The following DAPK2 variants were observed in gnomAD, a reference collection of about 807,000 sequenced individuals.
DAPK2 encodes death-associated protein kinase 2.
In DAPK2, 35 loss-of-function variants were observed where a neutral mutation model predicts 44.1. That is an observed-to-expected ratio of 0.79 (90% CI 0.61 to 1.05). The LOEUF is 1.05. Among genes scored for constraint, DAPK2 ranks in the 50% least tolerant of loss-of-function variants. DAPK2 has a pLI of 0.00. For missense variants in DAPK2, 453 were observed against 483.2 expected, an observed-to-expected ratio of 0.94 and a Z score of 0.59; for synonymous variants, 174 against 182.6, an observed-to-expected ratio of 0.95 and a Z score of 0.38.
chr15:63,988,796 G>A (rs929805747), intron 1 of DAPK2, among the ~76,000 whole-genome samples: 5 of 151,726 alleles, frequency 3.3e-5, no homozygotes, highest in Non-Finnish European at 7.4e-5. Context: ...ATGAGCCACC[G>A]CGCCCGGCCA....
chr15:64,011,646 G>A (rs146492079), intron 1 of DAPK2, among the ~76,000 whole-genome samples: 38 of 152,310 alleles, frequency 2.5e-4, no homozygotes, highest in African/African-American at 3.4e-4. Flanking sequence ...TGCTAGCCAC[G>A]TGTGGCTACT....
intron 1 of DAPK2, among the ~76,000 whole-genome samples, chr15:64,000,035 A>T (rs1234329413): frequency 6.6e-6 from 1 of 152,108 alleles, no homozygotes; most frequent in East Asian, 1.9e-4. Flanking sequence ...AGGTACTAGC[A>T]TTACAGGCAT....
chr15:63,934,575 T>G (rs1287515390), intron 4 of DAPK2, among the ~76,000 whole-genome samples: 1 of 151,938 alleles, frequency 6.6e-6, no homozygotes, highest in Non-Finnish European at 1.5e-5. Context: ...TGTTTTGTGT[T>G]TTGAGACAGA....
intron 4 of DAPK2, among the ~76,000 whole-genome samples, chr15:63,938,043 TC>T (rs5813265): frequency 0.025 from 3,814 of 152,108 alleles, 82 homozygotes; most frequent in South Asian, 0.11. Flanking sequence ...TTAACTAAAA[TC>T]CCCCAGCCTG....
chr15:63,922,928 G>A (rs1567204002), intron 8 of DAPK2: 1 of 1,535,918 alleles, frequency 6.5e-7, no homozygotes, highest in Non-Finnish European at 8.7e-7. Context: ...CTCAAACTGG[G>A]CTTGCAGATG....
At chr15:63,959,679 C>G (rs964412110) in intron 3 of DAPK2, among the ~76,000 whole-genome samples, 2 of 152,152 alleles carry the variant, frequency 1.3e-5, no homozygotes, top group Non-Finnish European at 2.9e-5. Flanking sequence ...ATATGTTGAA[C>G]CAGCCTTGCA....
chr15:63,961,486 G>T (rs1414486953), intron 3 of DAPK2, among the ~76,000 whole-genome samples: 4 of 152,190 alleles, frequency 2.6e-5, no homozygotes, highest in Non-Finnish European at 4.4e-5. Context: ...GGTACCAGTT[G>T]TTCCTTTCCA....
At chr15:63,954,701 T>C (rs969507067) in intron 3 of DAPK2, among the ~76,000 whole-genome samples, 2 of 152,184 alleles carry the variant, frequency 1.3e-5, no homozygotes, top group African/African-American at 4.8e-5. Flanking sequence ...GTCATTGGTA[T>C]TTTTATAGGG....
upstream of DAPK2, among the ~76,000 whole-genome samples, chr15:64,042,242 A>G (rs866799309): frequency 6.6e-5 from 10 of 152,262 alleles, no homozygotes; most frequent in Middle Eastern, 3.4e-3. The surrounding 1 kb of genome is among the most constrained non-coding windows in gnomAD (Gnocchi z 4.7). Flanking sequence ...TAGCAAGTTT[A>G]GCTTGACCAT....
chr15:63,921,291 A>G (rs2079065287), intron 8 of DAPK2: 1 of 152,274 alleles, frequency 6.6e-6, no homozygotes, highest in South Asian at 2.1e-4. Flanking sequence ...AAGCAGAAAG[A>G]GCAACAGACT....
intron 3 of DAPK2, among the ~76,000 whole-genome samples, chr15:63,950,278 C>T (rs1425390962): frequency 2.6e-5 from 4 of 152,230 alleles, no homozygotes; most frequent in African/African-American, 4.8e-5. Context: ...TGTGGTGGTG[C>T]GATCACAGCT....
chr15:64,022,391 A>G (rs1216945014), intron 1 of DAPK2, among the ~76,000 whole-genome samples: 1 of 152,248 alleles, frequency 6.6e-6, no homozygotes, highest in Non-Finnish European at 1.5e-5. Context: ...TAAAGAGAGC[A>G]TTAGCCGGAA....
chr15:63,991,602 C>T (rs1346739822), intron 1 of DAPK2, among the ~76,000 whole-genome samples: 5 of 152,136 alleles, frequency 3.3e-5, no homozygotes, highest in African/African-American at 4.8e-5. Context: ...CACTGACCGC[C>T]CCCACCCATG....
chr15:63,964,586 A>G (rs1380705918), intron 3 of DAPK2, among the ~76,000 whole-genome samples: 2 of 151,566 alleles, frequency 1.3e-5, no homozygotes, highest in Non-Finnish European at 2.9e-5. Context: ...TAACTCTTAA[A>G]TTTGCCTTTT....
intron 1 of DAPK2, among the ~76,000 whole-genome samples, chr15:63,994,695 T>C (rs1420061981): frequency 2.0e-5 from 3 of 151,876 alleles, no homozygotes; most frequent in African/African-American, 7.3e-5. Flanking sequence ...GTTCAAGCGA[T>C]TCTCCTGCCT....
intron 1 of DAPK2, among the ~76,000 whole-genome samples, chr15:64,025,643 T>C (rs1472477924): frequency 1.2e-4 from 18 of 152,156 alleles, no homozygotes; most frequent in Admixed American, 1.2e-3. Context: ...AAGGACCAGA[T>C]GGTAAATATT....
intron 1 of DAPK2, among the ~76,000 whole-genome samples, chr15:64,036,325 A>ATATATATATG (rs1444473258): frequency 0.028 from 2,922 of 105,644 alleles, 369 homozygotes; most frequent in East Asian, 0.21. Flanking sequence ...ATATGTATAT[A>ATATATATATG]TATATATATA....
At chr15:64,029,168 T>C (rs369872560) in intron 1 of DAPK2, among the ~76,000 whole-genome samples, 1 of 143,360 alleles carries the variant, frequency 7.0e-6, no homozygotes, top group Non-Finnish European at 1.5e-5. Flanking sequence ...GTTTCCATAA[T>C]GCAGACAGAG....
chr15:64,001,653 A>T (rs1288301283), intron 1 of DAPK2, among the ~76,000 whole-genome samples: 1 of 151,870 alleles, frequency 6.6e-6, no homozygotes, highest in African/African-American at 2.4e-5. Flanking sequence ...TCTCAATTGC[A>T]CCCTTAAGAA....
Sources: allele counts gnomAD v4.1 joint callset (sites outside exome capture counted in the v4.1 genomes callset), GRCh38; gene constraint gnomAD v4.1.1; non-coding constraint Gnocchi (gnomAD v3.1); transcripts MANE v1.5; gene names NCBI Gene and HGNC (gene_info 2026-07-23, HGNC 2026-07-21).